Variants in OTOGL observed in about 807,000 individuals in gnomAD.
OTOGL encodes the protein otogelin-like protein.
Under a neutral mutation model 318.5 loss-of-function variants are expected in OTOGL, and 285 were observed. The observed-to-expected ratio is 0.89, with a 90% CI of 0.81 to 0.99. The LOEUF is 0.99. Ranked by LOEUF, OTOGL falls within the 50% of genes least tolerant of loss-of-function variation. OTOGL has a pLI of 0.00. For missense variants in OTOGL, 2,899 were observed against 2,845.6 expected (o/e 1.02, Z -0.43); for synonymous variants, 987 against 936.5 (o/e 1.05, Z -0.99).
At chr12:80,128,697 G>A (rs1658266491) in intron 1 of OTOGL, among the ~76,000 whole-genome samples, 1 of 152,188 alleles carries the variant, frequency 6.6e-6, no homozygotes, top group African/African-American at 2.4e-5. Context: ...CCTAGTTCGA[G>A]CTTCCTGGCT....
intron 18 of OTOGL, among the ~76,000 whole-genome samples, chr12:80,259,438 A>C (rs1882342256): frequency 6.6e-6 from 1 of 152,070 alleles, no homozygotes; most frequent in South Asian, 2.1e-4. Context: ...ATAGACATAC[A>C]TGTGCCATGG....
In OTOGL at chr12:80,370,478, G is replaced by T; in HGVS notation, c.6616-92G>T. ...GTGTCACAAGAAGCCTTTGCATCTT[G>T]ATTTGACTTTTTATTCAATAGAATA... On this transcript the variant is annotated intron_variant, in intron 55 of 58. Coordinates refer to ENST00000547103, the MANE Select transcript of OTOGL (RefSeq NM_001378609.3). 3.5e-6 allele frequency: 4 copies of T among 1,143,244 alleles called. No individual in the cohort carries two copies. In the South Asian group the frequency reaches 1.0e-4, roughly 29 times the overall value. 70.8% of individuals were successfully genotyped at this position (1,143,244 alleles called of 1,614,324 possible). A position where few individuals can be genotyped will look rare whatever the true frequency, so the allele number is the denominator to read the frequency against.
chr12:80,208,245 A>G (rs988753437), intron 1 of OTOGL: 1 of 516,166 alleles, frequency 1.9e-6, no homozygotes, highest in Non-Finnish European at 3.9e-6. Context: ...GTAAATGATT[A>G]TTGGATTTGG....
chr12:80,314,373 T>C (rs1886842391), intron 32 of OTOGL, 42 bp downstream of exon 32: 1 of 828,570 alleles, frequency 1.2e-6, no homozygotes, highest in Admixed American at 4.4e-5. Flanking sequence ...TAGTATTCTA[T>C]TAGGTGTATT....
At chr12:80,358,994 A>G (rs1163020498) in intron 52 of OTOGL, 94 bp downstream of exon 52, 15 of 1,048,962 alleles carry the variant, frequency 1.4e-5, no homozygotes, top group Admixed American at 2.8e-5. Flanking sequence ...CTTAGAGTTA[A>G]TAAAATTACC....
intron 8 of OTOGL, among the ~76,000 whole-genome samples, chr12:80,232,329 T>C (rs748727590): frequency 6.6e-6 from 1 of 151,430 alleles, no homozygotes; most frequent in Admixed American, 6.6e-5. Flanking sequence ...CATCCTTTGA[T>C]TTTTTTTAGA....
At chr12:80,264,027 A>C (rs1426414924) in intron 19 of OTOGL, among the ~76,000 whole-genome samples, 1 of 152,164 alleles carries the variant, frequency 6.6e-6, no homozygotes, top group Non-Finnish European at 1.5e-5. Context: ...CTTACCAATA[A>C]TAAATATATG....
intron 27 of OTOGL, among the ~76,000 whole-genome samples, chr12:80,302,228 G>A (rs1044293875): frequency 3.9e-5 from 6 of 152,086 alleles, no homozygotes; most frequent in Non-Finnish European, 7.4e-5. Flanking sequence ...AGAAACATGC[G>A]CAGGAACAAA....
intron 7 of OTOGL, 79 bp downstream of exon 7, chr12:80,222,324 A>G (rs992327933): frequency 3.9e-5 from 50 of 1,298,438 alleles, no homozygotes; most frequent in Non-Finnish European, 5.1e-5. Flanking sequence ...TGGGAAAATG[A>G]TGCAAAATAT....
In OTOGL at chr12:80,181,360, A is replaced by G. The variant is rs1874908508; in HGVS notation, c.-19-28053A>G. 2.7e-5 allele frequency among the ~76,000 whole-genome samples: 4 copies of G among 147,392 alleles called. No individual in the cohort carries two copies. The South Asian group carries it at 8.6e-4, about 32-fold the overall frequency. On this transcript the variant is annotated intron_variant, in intron 1 of 58. Coordinates refer to ENST00000547103, the MANE Select transcript of OTOGL (RefSeq NM_001378609.3). ...CTCTCTCTCTCTCTCTCTCTGTAAT[A>G]ATTACCTTACAGCAGACTGGCCCAC...
intron 5 of OTOGL, 27 bp downstream of exon 5, chr12:80,217,691 AT>A (rs764134067): frequency 5.5e-6 from 8 of 1,446,850 alleles, no homozygotes; most frequent in Middle Eastern, 1.7e-4. Flanking sequence ...AGGTTTTCAT[AT>A]TTGCTTTCTC....
intron 46 of OTOGL, among the ~76,000 whole-genome samples, chr12:80,355,527 A>C (rs1889832012): frequency 6.6e-6 from 1 of 152,026 alleles, no homozygotes; most frequent in Non-Finnish European, 1.5e-5. Context: ...TCTGACCAGG[A>C]AAAAAATATT....
At chr12:80,180,655 A>C (rs1446271962) in intron 1 of OTOGL, among the ~76,000 whole-genome samples, 1 of 152,196 alleles carries the variant, frequency 6.6e-6, no homozygotes, top group African/African-American at 2.4e-5. Flanking sequence ...TACCTTCAAA[A>C]TCCAAAAGAC....
At chr12:80,266,777 G>A (rs1565942120) in intron 21 of OTOGL, among the ~76,000 whole-genome samples, 161 bp downstream of exon 21, 1 of 151,816 alleles carries the variant, frequency 6.6e-6, no homozygotes, top group Admixed American at 6.6e-5. Context: ...TACAGAAATA[G>A]CTAAGGAATC....
intron 29 of OTOGL, among the ~76,000 whole-genome samples, chr12:80,307,663 G>A (rs149892045): frequency 0.044 from 6,122 of 140,388 alleles, 212 homozygotes; most frequent in Middle Eastern, 0.076. Flanking sequence ...GGGCAGAGTG[G>A]CTCCTCACTT....
intron 1 of OTOGL, among the ~76,000 whole-genome samples, chr12:80,139,481 G>A (rs1113541): frequency 0.53 from 80,854 of 151,798 alleles, 21,721 homozygotes; most frequent in Middle Eastern, 0.58. Flanking sequence ...ATCTTGTGTT[G>A]GCCACATGCC....
chr12:80,147,627 C>G (rs9437572), intron 1 of OTOGL, among the ~76,000 whole-genome samples: 79,120 of 150,556 alleles, frequency 0.53, 21,750 homozygotes, highest in African/African-American at 0.71. Context: ...TTTCTGTCTC[C>G]TTGATCTGTC....
At chr12:80,296,469 A>T (rs980032743) in intron 26 of OTOGL, among the ~76,000 whole-genome samples, 1 of 152,182 alleles carries the variant, frequency 6.6e-6, no homozygotes. Flanking sequence ...AAAACAAAAG[A>T]CATATCTCAA....
intron 5 of OTOGL, 139 bp from the exon 6 acceptor site, chr12:80,219,675 T>C (rs931950060): frequency 7.5e-6 from 5 of 669,050 alleles, no homozygotes; most frequent in African/African-American, 5.5e-5. Context: ...TTTAGTTCTT[T>C]AGCTTAGCAA....
Sources: gnomAD v4.1 joint callset for allele counts (sites outside exome capture counted in the v4.1 genomes callset) on GRCh38, gnomAD v4.1.1 for gene constraint, MANE v1.5 for transcripts, NCBI Gene and HGNC (gene_info 2026-07-23, HGNC 2026-07-21) for gene names.